TNS1: variants seen among roughly 807,000 people sequenced by gnomAD.
The protein encoded by TNS1 is tensin-1.
Under a neutral mutation model 168.6 loss-of-function variants are expected in TNS1, and 62 were observed. That is an observed-to-expected ratio of 0.37 (90% CI 0.30 to 0.45). The LOEUF (loss-of-function observed/expected upper bound fraction) is 0.45, where lower values mean the gene tolerates loss of function less well. TNS1 is among the 20% of genes least tolerant of loss of function. The pLI is 1.00. For synonymous variants in TNS1, 934 were observed against 933.2 expected (o/e 1.00, Z -0.02); for missense variants, 2,240 against 2,339.4 (o/e 0.96, Z 0.88).
chr2:217,828,751 T>C (rs552844605), intron 22 of TNS1, among the ~76,000 whole-genome samples: 2 of 152,358 alleles, frequency 1.3e-5, no homozygotes, highest in South Asian at 4.1e-4. Context: ...TTGAAACTGC[T>C]TTTCAGAATT....
At chr2:217,930,480 A>C (rs1415816459) in intron 3 of TNS1, among the ~76,000 whole-genome samples, 2 of 152,128 alleles carry the variant, frequency 1.3e-5, no homozygotes, top group African/African-American at 4.8e-5. Flanking sequence ...CAGAGAGGCA[A>C]CCCATGCCAC....
intron 24 of TNS1, among the ~76,000 whole-genome samples, chr2:217,816,123 A>C (rs973147266): frequency 2.0e-5 from 3 of 152,186 alleles, no homozygotes; most frequent in Admixed American, 2.0e-4. Flanking sequence ...GACTTGCCCA[A>C]GTCACACAGA....
chr2:217,831,899 CCTT>C (rs1944475997), intron 21 of TNS1, among the ~76,000 whole-genome samples: 1 of 151,814 alleles, frequency 6.6e-6, no homozygotes, highest in African/African-American at 2.4e-5. Flanking sequence ...CTGTCTCTGA[CCTT>C]CTCTATAATA....
rs79888115 is a variant in TNS1, at chr2:217,917,829, C to CAAAAAAAAAAAAAAAAAAAA, written c.228+2365_228+2366insTTTTTTTTTTTTTTTTTTTT. Among the ~76,000 whole-genome samples the CAAAAAAAAAAAAAAAAAAAA allele has an allele frequency of 2.1e-4, 16 of 75,970 alleles. 1 individual carries two copies. Among genetic ancestry groups the CAAAAAAAAAAAAAAAAAAAA allele is most frequent in the African/African-American group, 6.3e-4 (14 of 22,234 alleles). 49.8% of individuals were successfully genotyped at this position (75,970 alleles called of 152,430 possible). On this transcript the variant is annotated intron_variant, in intron 4 of 32. Coordinates refer to ENST00000682258, the MANE Select transcript of TNS1 (RefSeq NM_001387777.1). The stretch of plus-strand genomic sequence containing the variant: ...CTGGGCAACACAGTGAGACTGTTCT[C>CAAAAAAAAAAAAAAAAAAAA]AAAAAAAAAAAAAAAAAAAGACTTG...
chr2:218,002,934 TC>T lies in TNS1; in HGVS notation c.-63del. 3 of 455,986 alleles carry T rather than the reference TC, an allele frequency of 6.6e-6. No homozygotes were observed. Among genetic ancestry groups the T allele is most frequent in the Non-Finnish European group, 1.3e-5 (3 of 226,778 alleles). The allele number at this position is 455,986 out of a possible 1,614,324, so 28.2% of individuals were successfully genotyped here. A position where few individuals can be genotyped will look rare whatever the true frequency, so the allele number is the denominator to read the frequency against. ...CTGTGAAGAGCCCCTGAAGCTAGAGTCCCCGCGGCGCTGGCAGAAGGGCTCT... is the reference window on the plus strand; with the variant it reads ...CTGTGAAGAGCCCCTGAAGCTAGAGTCCCGCGGCGCTGGCAGAAGGGCTCT... On this transcript the variant is annotated 5_prime_UTR_variant, in exon 1 of 33. An upstream open reading frame in the 5' UTR loses its in-frame stop. Coordinates refer to ENST00000682258, the MANE Select transcript of TNS1 (RefSeq NM_001387777.1).
intron 3 of TNS1, among the ~76,000 whole-genome samples, chr2:217,974,559 G>A (rs147338864): frequency 3.4e-4 from 52 of 152,242 alleles, no homozygotes; most frequent in African/African-American, 1.2e-3. Flanking sequence ...AGATAACATT[G>A]ACTATGAGCC....
At chr2:218,014,489 G>C (rs1052828902), upstream of TNS1, among the ~76,000 whole-genome samples, 1 of 152,124 alleles carries the variant, frequency 6.6e-6, no homozygotes, top group Non-Finnish European at 1.5e-5. Flanking sequence ...ACAAGGCACG[G>C]AACTCACACC....
rs182447748 is a variant in TNS1, at chr2:217,972,745, G to T, written c.186+6020C>A. Among the ~76,000 whole-genome samples, 19 of 152,302 alleles carry T rather than the reference G, an allele frequency of 1.2e-4. No homozygotes were observed. In the South Asian group the frequency reaches 3.3e-3, roughly 27 times the overall value. On this transcript the variant is annotated intron_variant, in intron 3 of 32. Coordinates refer to ENST00000682258, the MANE Select transcript of TNS1 (RefSeq NM_001387777.1). ...TGCAGCAGACAAAGAGTATTTGGCT[G>T]GAACAGGCTGCTGTTGTCAACTGAA... is the stretch of plus-strand genomic sequence containing the variant.
intron 1 of TNS1, among the ~76,000 whole-genome samples, chr2:217,991,906 G>T (rs1958376182): frequency 6.6e-6 from 1 of 152,032 alleles, no homozygotes; most frequent in African/African-American, 2.4e-5. Flanking sequence ...TCATGCATGA[G>T]AGGCAGGCTG....
chr2:218,026,332 G>A (rs1044479312), intron 1 of TNS1, among the ~76,000 whole-genome samples: 1 of 152,108 alleles, frequency 6.6e-6, no homozygotes, highest in African/African-American at 2.4e-5. Context: ...CATCCCTACC[G>A]CCTGCCTTTT....
intron 7 of TNS1, among the ~76,000 whole-genome samples, chr2:217,899,372 T>C (rs1413347200): frequency 1.3e-5 from 2 of 152,152 alleles, no homozygotes; most frequent in East Asian, 3.9e-4. Context: ...TCAAGCCAAC[T>C]GCCTACCCAA....
intron 6 of TNS1, chr2:217,901,717 T>TG (rs1953002032): frequency 6.6e-6 from 1 of 152,186 alleles, no homozygotes; most frequent in Admixed American, 6.5e-5. Flanking sequence ...TACCCTCAAG[T>TG]CCCTGGGAAG....
chr2:217,887,127 GC>G (rs1210222020), intron 12 of TNS1, among the ~76,000 whole-genome samples: 1 of 152,204 alleles, frequency 6.6e-6, no homozygotes, highest in African/African-American at 2.4e-5. Context: ...AGATCCAGTA[GC>G]CACAAGTGAT....
chr2:217,838,084 T>C (rs1297878551), intron 19 of TNS1, among the ~76,000 whole-genome samples: 4 of 152,250 alleles, frequency 2.6e-5, no homozygotes, highest in Non-Finnish European at 4.4e-5. Flanking sequence ...CTCTTGGGGT[T>C]TGGAACTCAG....
intron 3 of TNS1, among the ~76,000 whole-genome samples, chr2:217,959,454 TATGGAAACTTAGC>T (rs1265469812): frequency 6.7e-6 from 1 of 149,444 alleles, no homozygotes; most frequent in Non-Finnish European, 1.5e-5. Flanking sequence ...GGTATCTTAG[TATGGAAACTTAGC>T]ATGGAACCTA....
In TNS1 at chr2:217,848,065, G is replaced by T. The variant is rs1946915836; in HGVS notation, c.2452C>A (p.Leu818Ile). The T allele has an allele frequency of 9.7e-6, 15 of 1,540,248 alleles. No homozygotes were observed. The highest frequency in any genetic ancestry group is 1.3e-5 in the Non-Finnish European group (15 of 1,143,420). ...QPLAETPIPSLPEFPRAASQQ... is the reference protein window; with the variant it reads ...QPLAETPIPSIPEFPRAASQQ... ...GAGGCTGCTCGCGGGAACTCAGGGA[G>T]ACTGGGGATGGGGGTCTCTGCCAAT... Residue 818 changes from leucine (L) to isoleucine (I), a missense_variant, in exon 19 of 33, where the codon CTC becomes ATC. Physicochemically the swap from Leu to Ile is conservative, Grantham distance 5. This residue lies in a region of TNS1 where 2,131 missense variants were observed against 2,171.2 expected (regional missense o/e 0.98). Coordinates refer to ENST00000682258, the MANE Select transcript of TNS1 (RefSeq NM_001387777.1).
At position 217,965,097 on chromosome 2, in the gene TNS1, G is replaced by T. The variant is rs567741989; in HGVS notation, c.186+13668C>A. Reference sequence around the variant, plus strand: ...AGGAATCCATTGGAACAGGTTAAGGGAACGCGAACCACAGTCATTCAGTGG... The same window carrying T: ...AGGAATCCATTGGAACAGGTTAAGGTAACGCGAACCACAGTCATTCAGTGG... On this transcript the variant is annotated intron_variant, in intron 3 of 32. Coordinates refer to ENST00000682258, the MANE Select transcript of TNS1 (RefSeq NM_001387777.1). Among the ~76,000 whole-genome samples, 3 of 152,354 alleles carry T rather than the reference G, an allele frequency of 2.0e-5. No homozygotes were observed. The South Asian group carries it at 6.2e-4, about 32-fold the overall frequency.
intron 19 of TNS1, among the ~76,000 whole-genome samples, chr2:217,837,632 T>C (rs1181248010): frequency 4.6e-5 from 7 of 152,252 alleles, no homozygotes; most frequent in Admixed American, 4.6e-4. Context: ...TTTGGGCTTT[T>C]TATTAATCAG....
At chr2:217,841,572 G>A (rs1003973360) in intron 19 of TNS1, among the ~76,000 whole-genome samples, 2 of 152,144 alleles carry the variant, frequency 1.3e-5, no homozygotes, top group Non-Finnish European at 2.9e-5. Flanking sequence ...TTCTCCAAGA[G>A]GCAGATGGAC....
Sources: gnomAD v4.1 joint callset for allele counts (sites outside exome capture counted in the v4.1 genomes callset) on GRCh38, gnomAD v4.1.1 for gene constraint, gnomAD v4.1.1 regional missense constraint, MANE v1.5 for transcripts, NCBI Gene and HGNC (gene_info 2026-07-23, HGNC 2026-07-21) for gene names.